Variants in IDE observed in about 807,000 individuals in gnomAD.
The protein encoded by IDE is insulin-degrading enzyme.
A neutral mutation model predicts 133.2 loss-of-function variants in IDE; 58 were observed. The ratio of observed to expected loss-of-function variants is 0.44; its 90% CI spans 0.35 to 0.54. IDE has a LOEUF of 0.54. Among genes scored for constraint, IDE ranks in the 20% least tolerant of loss-of-function variants. The pLI, the probability that IDE is intolerant of heterozygous loss-of-function variation, is 0.00. For missense variants in IDE, 981 were observed against 1,234.0 expected (o/e 0.79, Z 3.07); for synonymous variants, 396 against 421.3 (o/e 0.94, Z 0.73).
chr10:92,511,128 G>T (rs189062315), intron 5 of IDE, among the ~76,000 whole-genome samples: 116 of 143,818 alleles, frequency 8.1e-4, no homozygotes, highest in Non-Finnish European at 1.4e-3. Context: ...TTGAAGCAAG[G>T]TATTGCTCTG....
chr10:92,513,562 AC>A (rs1848738303), intron 5 of IDE, among the ~76,000 whole-genome samples: 1 of 151,912 alleles, frequency 6.6e-6, no homozygotes, highest in Admixed American at 6.6e-5. Context: ...CCAAAATGGG[AC>A]CATATAGCAC....
intron 12 of IDE, among the ~76,000 whole-genome samples, chr10:92,488,525 C>A (rs1404193946): frequency 6.6e-6 from 1 of 152,122 alleles, no homozygotes; most frequent in Non-Finnish European, 1.5e-5. Flanking sequence ...CGCCTGTAAT[C>A]CCAGCACTTT....
chr10:92,525,185 A>G (rs1485289960), intron 4 of IDE, among the ~76,000 whole-genome samples: 4 of 150,874 alleles, frequency 2.7e-5, no homozygotes, highest in Non-Finnish European at 5.9e-5. Flanking sequence ...CCCGGGAGGC[A>G]GAGGTTGCAG....
Position 92,526,139 on chromosome 10 carries a change from C to T in IDE, c.661+5609G>A, listed in dbSNP as rs368713537. Among the ~76,000 whole-genome samples, 64 of 146,318 alleles carry T rather than the reference C, an allele frequency of 4.4e-4. 1 individual carries two copies. The highest frequency in any genetic ancestry group is 3.2e-3 in the Admixed American group (46 of 14,524). On this transcript the variant is annotated intron_variant, in intron 4 of 24. Transcript: ENST00000265986. ...CTGCACTCCAGCCTGGGAGAAAGAGCGGGACTCCGTCTCAAAAAAAAAAAA... is the reference window on the plus strand; with the variant it reads ...CTGCACTCCAGCCTGGGAGAAAGAGTGGGACTCCGTCTCAAAAAAAAAAAA...
At chr10:92,455,825 T>A (rs1380040435) in intron 23 of IDE, among the ~76,000 whole-genome samples, 182 bp from the exon 24 acceptor site, 1 of 152,258 alleles carries the variant, frequency 6.6e-6, no homozygotes, top group South Asian at 2.1e-4. Flanking sequence ...CTGCCTTCTA[T>A]CCAGAGCCAC....
At chr10:92,510,678 T>G (rs1848542990) in intron 5 of IDE, among the ~76,000 whole-genome samples, 1 of 151,030 alleles carries the variant, frequency 6.6e-6, no homozygotes, top group South Asian at 2.1e-4. Context: ...CTCACATATA[T>G]GATATATATC....
rs373755533 is a variant in IDE, at chr10:92,468,904, C to T, written c.2295G>A (p.Arg765=). ...TGTCAGGGAGCTGAACTTCTCTATACCGAACCAGCTGACTTGGAAGGAGAG... is the reference window on the plus strand; with the variant it reads ...TGTCAGGGAGCTGAACTTCTCTATATCGAACCAGCTGACTTGGAAGGAGAG... ...TKPLLPSQLV[R]YREVQLPDRG... Residue 765 remains arginine (R), a synonymous_variant, in exon 19 of 25, where the codon CGG becomes CGA. Transcript: ENST00000265986. The T allele has an allele frequency of 2.5e-6, 4 of 1,608,972 alleles. No homozygotes were observed. The highest frequency in any genetic ancestry group is 1.7e-4 in the Middle Eastern group (1 of 6,056).
At chr10:92,569,760 T>TA (rs1843704077) in intron 1 of IDE, among the ~76,000 whole-genome samples, 1 of 152,216 alleles carries the variant, frequency 6.6e-6, no homozygotes, top group Admixed American at 6.5e-5. Context: ...GAGTACCTAC[T>TA]ATGTGTCAGG....
chr10:92,545,432 A>G (rs17445328), intron 1 of IDE, among the ~76,000 whole-genome samples: 29,970 of 152,204 alleles, frequency 0.2, 3,484 homozygotes, highest in Non-Finnish European at 0.26. Context: ...CAACAACTAG[A>G]AAAGGCCATG....
chr10:92,509,543 C>T lies in IDE; in HGVS notation c.897+507G>A, dbSNP rs558132261. Among the ~76,000 whole-genome samples, 6 of 151,918 alleles carry T rather than the reference C, an allele frequency of 3.9e-5. No individual in the cohort carries two copies. In the South Asian group the frequency reaches 6.3e-4, roughly 16 times the overall value. On this transcript the variant is annotated intron_variant, in intron 6 of 24. Coordinates refer to ENST00000265986, the MANE Select transcript of IDE (RefSeq NM_004969.4). ...GGGAAGCAGAGGTTGCAGGGAGCCA[C>T]GATCGCGCCGCTGCACTCCAGCCTG...
intron 5 of IDE, among the ~76,000 whole-genome samples, chr10:92,512,750 T>C (rs769567615): frequency 1.1e-4 from 17 of 152,240 alleles, no homozygotes; most frequent in Non-Finnish European, 2.4e-4. Context: ...ACTTAAAAAA[T>C]AGTTTATTTT....
intron 1 of IDE, among the ~76,000 whole-genome samples, chr10:92,547,200 C>T (rs12219325): frequency 6.6e-5 from 10 of 151,732 alleles, no homozygotes; most frequent in African/African-American, 1.7e-4. Context: ...CAGCCTCCTG[C>T]GCAGCTGGGA....
chr10:92,559,665 C>T (rs759251128), intron 1 of IDE, among the ~76,000 whole-genome samples: 2 of 150,370 alleles, frequency 1.3e-5, no homozygotes, highest in African/African-American at 2.5e-5. Flanking sequence ...TTTGAGGTGA[C>T]GAAAATGTTT....
In IDE at chr10:92,479,390, T is replaced by G. The variant is rs1162898829; in HGVS notation, c.1771A>C (p.Asn591His). 1 of 1,613,336 alleles carries G rather than the reference T, an allele frequency of 6.2e-7. No individual in the cohort carries two copies. Among genetic ancestry groups the G allele is most frequent in the East Asian group, 2.2e-5 (1 of 44,858 alleles). ...PFAYVDPLHC[N>H]MAYLYLELLK... ...AGCTCAAGGTACAAATAGGCCATGT[T>G]ACAGTGCAAGGGGTCCACATAAGCA... The change falls in exon 15 of 25, where the codon AAC (asparagine) becomes CAC (histidine). Residue 591 changes from asparagine to histidine, a missense_variant. Physicochemically the swap from Asn to His is moderately conservative, Grantham distance 68. This residue lies in a region of IDE where 660 missense variants were observed against 894.7 expected (regional missense o/e 0.74). Transcript: ENST00000265986.
chr10:92,553,422 T>C (rs1842880166), intron 1 of IDE, among the ~76,000 whole-genome samples: 1 of 134,292 alleles, frequency 7.4e-6, no homozygotes, highest in African/African-American at 2.9e-5. Context: ...AGACTCTGTC[T>C]CAAAAAAAAA....
rs767559427 is a variant in IDE at position 92,468,929 on chromosome 10, G to A, written c.2270C>T (p.Pro757Leu). The A allele has an allele frequency of 2.5e-6, 4 of 1,613,102 alleles. No individual in the cohort carries two copies. Among genetic ancestry groups the A allele is most frequent in the Admixed American group, 1.7e-5 (1 of 59,992 alleles). Residue 757 changes from proline to leucine, a missense_variant, in exon 19 of 25, where the codon CCT becomes CTT. By Grantham distance (98) the Pro-to-Leu change is moderately conservative. Transcript: ENST00000265986. Reference protein sequence around the residue: ...DTLIEHAHTKPLLPSQLVRYR... With the variant: ...DTLIEHAHTKLLLPSQLVRYR... ...CCGAACCAGCTGACTTGGAAGGAGA[G>A]GTTTGGTATGAGCATGTTCAATGAG...
At chr10:92,544,310 T>C (rs969559908) in intron 1 of IDE, among the ~76,000 whole-genome samples, 6 of 152,084 alleles carry the variant, frequency 3.9e-5, no homozygotes, top group African/African-American at 9.7e-5. Context: ...TAAAGTGTCA[T>C]AGGCTTTATA....
chr10:92,508,502 C>T lies in IDE; in HGVS notation c.1060+226G>A, dbSNP rs112167842. Among the ~76,000 whole-genome samples the T allele has an allele frequency of 5.3e-5, 8 of 150,412 alleles. 2 individuals carry two copies. The highest frequency in any genetic ancestry group is 2.0e-4 in the African/African-American group (8 of 40,906). On this transcript the variant is annotated intron_variant, in intron 7 of 24. Transcript: ENST00000265986. ...GCCAAGATGGGCGGATCGCTTGAGA[C>T]CAGGAGTTTGAGACTAGCCTAGGCA...
Position 92,507,604 on chromosome 10 carries a change from G to T in IDE, c.1216C>A (p.Pro406Thr). The T allele has an allele frequency of 6.2e-7, 1 of 1,608,250 alleles. No individual in the cohort carries two copies. The change falls in exon 9 of 25, where the codon CCT becomes ACT. Residue 406 changes from proline to threonine, a missense_variant. This residue lies in a region of IDE where 660 missense variants were observed against 894.7 expected (regional missense o/e 0.74). Coordinates refer to ENST00000265986, the MANE Select transcript of IDE (RefSeq NM_004969.4). ...CACTCTTGGAAAACCCATTCTTGAG[G>T]TCCTTCTGCACGTAACTTCTGAATG... The part of the protein sequence containing the change: ...QYIQKLRAEG[P>T]QEWVFQECKD...
Sources: gnomAD v4.1 joint callset for allele counts (sites outside exome capture counted in the v4.1 genomes callset) on GRCh38, gnomAD v4.1.1 for gene constraint, gnomAD v4.1.1 regional missense constraint, MANE v1.5 for transcripts, NCBI Gene and HGNC (gene_info 2026-07-23, HGNC 2026-07-21) for gene names.